Variants in CUL1 observed in about 807,000 individuals in gnomAD.
CUL1 encodes cullin-1.
A neutral mutation model predicts 118.0 loss-of-function variants in CUL1; 24 were observed. That is an observed-to-expected ratio of 0.20 (90% CI 0.15 to 0.29). The LOEUF is 0.29. Among genes scored for constraint, CUL1 ranks in the 10% least tolerant of loss-of-function variants. CUL1 has a pLI of 1.00. For missense variants in CUL1, 361 were observed against 933.8 expected (o/e 0.39, Z 7.99); for synonymous variants, 332 against 340.4 (o/e 0.98, Z 0.27).
chr7:148,698,747 C>T (rs1242005757), upstream of CUL1: 1 of 152,672 alleles, frequency 6.5e-6, no homozygotes, highest in African/African-American at 2.4e-5. Context: ...GCTTCTCCCC[C>T]GCGGTCGCCG....
In CUL1 at chr7:148,771,514, G is replaced by A. The variant is rs568375604; in HGVS notation, c.1083+3765G>A. Among the ~76,000 whole-genome samples the A allele has an allele frequency of 5.3e-5, 8 of 152,294 alleles. No individual in the cohort carries two copies. In the East Asian group the frequency reaches 5.8e-4, roughly 11 times the overall value. ...TCAGTGACGTGAAACTGAAGAGAGA[G>A]CCCTCCGAACCTCGGAGTGGGGAGG... On this transcript the variant is annotated intron_variant, in intron 9 of 21. Coordinates refer to ENST00000325222, the MANE Select transcript of CUL1 (RefSeq NM_003592.3).
chr7:148,698,552 C>T (rs1258337516), upstream of CUL1: 1 of 151,960 alleles, frequency 6.6e-6, no homozygotes, highest in Non-Finnish European at 1.5e-5. Context: ...TAGAAGCTTC[C>T]CCACGCGAGC....
chr7:148,775,145 G>T (rs926569822), intron 9 of CUL1, among the ~76,000 whole-genome samples: 2 of 152,204 alleles, frequency 1.3e-5, no homozygotes, highest in Non-Finnish European at 2.9e-5. Context: ...GCTACTTCTG[G>T]TAGATTTGAG....
chr7:148,797,395 C>CA (rs5888340), intron 17 of CUL1, among the ~76,000 whole-genome samples: 61,296 of 120,306 alleles, frequency 0.51, 15,540 homozygotes, highest in Non-Finnish European at 0.53. Flanking sequence ...ACATGATGCT[C>CA]AAAAAAAAAA....
At chr7:148,734,541 G>T (rs1798876258) in intron 2 of CUL1, among the ~76,000 whole-genome samples, 1 of 152,194 alleles carries the variant, frequency 6.6e-6, no homozygotes, top group South Asian at 2.1e-4. Context: ...ACCGCACCTG[G>T]CCTGTTTTTC....
At chr7:148,751,887 G>A (rs1333374056) in intron 2 of CUL1, among the ~76,000 whole-genome samples, 2 of 152,210 alleles carry the variant, frequency 1.3e-5, no homozygotes, top group African/African-American at 4.8e-5. Context: ...GGCCGAGGAG[G>A]CTGGATAGCC....
intron 2 of CUL1, among the ~76,000 whole-genome samples, chr7:148,739,584 G>C (rs1160937080): frequency 6.6e-6 from 1 of 152,140 alleles, no homozygotes; most frequent in Non-Finnish European, 1.5e-5. Context: ...CCATTTTGGG[G>C]ATATTTTGCT....
At chr7:148,731,790 GCTGC>G (rs1798771952) in intron 2 of CUL1, among the ~76,000 whole-genome samples, 1 of 152,146 alleles carries the variant, frequency 6.6e-6, no homozygotes, top group African/African-American at 2.4e-5. Context: ...TGATCTGTGG[GCTGC>G]CTATGTGGCT....
In CUL1 at chr7:148,766,432, G is replaced by A. The variant is rs944427044; in HGVS notation, c.790-129G>A. On this transcript the variant is annotated intron_variant, in intron 7 of 21. Coordinates refer to ENST00000325222, the MANE Select transcript of CUL1 (RefSeq NM_003592.3). ...CCAGCCCTCCCTTATTTTCTTAATCGCATTTTATTAGAGCTGGCATGTGAA... is the reference window on the plus strand; with the variant it reads ...CCAGCCCTCCCTTATTTTCTTAATCACATTTTATTAGAGCTGGCATGTGAA... 29 of 782,692 alleles carry A rather than the reference G, an allele frequency of 3.7e-5. 1 individual carries two copies. The highest frequency in any genetic ancestry group is 2.1e-4 in the East Asian group (7 of 32,972). The allele number at this position is 782,692 out of a possible 1,614,324, so 48.5% of individuals were successfully genotyped here.
chr7:148,726,849 AAT>A (rs1491384833), intron 1 of CUL1, among the ~76,000 whole-genome samples: 4 of 150,946 alleles, frequency 2.6e-5, no homozygotes, highest in African/African-American at 7.3e-5. Context: ...AAAAAAAAAA[AAT>A]TTTTTTTTAA....
chr7:148,760,656 G>A lies in CUL1; in HGVS notation c.789+160G>A, dbSNP rs1241332268. 2.6e-5 allele frequency among the ~76,000 whole-genome samples: 4 copies of A among 152,160 alleles called. No homozygotes were observed. In the South Asian group the frequency reaches 6.2e-4, roughly 24 times the overall value. ...GCAAGTGCTTCTCCTAATTCTCCAA[G>A]GAGCTTCTATAAATTAATTTGGTAA... On this transcript the variant is annotated intron_variant, in intron 7 of 21. Coordinates refer to ENST00000325222, the MANE Select transcript of CUL1 (RefSeq NM_003592.3).
At chr7:148,700,593 G>T (rs967843741) in intron 1 of CUL1, among the ~76,000 whole-genome samples, 1 of 152,186 alleles carries the variant, frequency 6.6e-6, no homozygotes, top group Non-Finnish European at 1.5e-5. Flanking sequence ...TTTCCATGGT[G>T]AGTCGAAATA....
At chr7:148,750,984 T>TA (rs71192723) in intron 2 of CUL1, among the ~76,000 whole-genome samples, 1,762 of 143,176 alleles carry the variant, frequency 0.012, 14 homozygotes, top group African/African-American at 0.022. Context: ...CCTGTCTCTT[T>TA]AAAAAAAAAA....
At chr7:148,714,758 A>T (rs1563147811) in intron 1 of CUL1, among the ~76,000 whole-genome samples, 1 of 152,218 alleles carries the variant, frequency 6.6e-6, no homozygotes. Context: ...CCTGGGCAGA[A>T]CATGGTCGTC....
At chr7:148,742,694 C>T (rs536074521) in intron 2 of CUL1, among the ~76,000 whole-genome samples, 5 of 146,750 alleles carry the variant, frequency 3.4e-5, no homozygotes, top group South Asian at 2.3e-4. Flanking sequence ...CTCTGCCTCC[C>T]GGGTTCAAGC....
At chr7:148,775,647 C>G (rs908363386) in intron 9 of CUL1, among the ~76,000 whole-genome samples, 2 of 152,062 alleles carry the variant, frequency 1.3e-5, no homozygotes, top group Non-Finnish European at 2.9e-5. Context: ...CTGATATATG[C>G]TGATAATATA....
chr7:148,739,501 CT>C (rs1799072393), intron 2 of CUL1, among the ~76,000 whole-genome samples: 2 of 152,302 alleles, frequency 1.3e-5, no homozygotes, highest in South Asian at 4.1e-4. Context: ...CGTTGAGCAC[CT>C]TTTTATATGC....
At chr7:148,724,366 C>T (rs1798491150) in intron 1 of CUL1, among the ~76,000 whole-genome samples, 1 of 152,126 alleles carries the variant, frequency 6.6e-6, no homozygotes, top group African/African-American at 2.4e-5. Flanking sequence ...TTCTGTTAGA[C>T]CTGTTTATTT....
At chr7:148,786,469 G>A (rs956152320) in intron 11 of CUL1, 82 bp from the exon 12 acceptor site, 3 of 1,060,800 alleles carry the variant, frequency 2.8e-6, no homozygotes, top group Non-Finnish European at 4.4e-6. Context: ...TCTTTTGAAT[G>A]CTTGAAGCTG....
Sources: gnomAD v4.1 joint callset for allele counts (sites outside exome capture counted in the v4.1 genomes callset) on GRCh38, gnomAD v4.1.1 for gene constraint, MANE v1.5 for transcripts, NCBI Gene and HGNC (gene_info 2026-07-23, HGNC 2026-07-21) for gene names.